DNAH14: variants seen among roughly 807,000 people sequenced by gnomAD.
The protein encoded by DNAH14 is axonemal beta dynein heavy chain 14.
Under a neutral mutation model 520.9 loss-of-function variants are expected in DNAH14, and 478 were observed. That is an observed-to-expected ratio of 0.92 (90% CI 0.85 to 0.99). The LOEUF is 0.99. Ranked by LOEUF, DNAH14 falls within the 50% of genes least tolerant of loss-of-function variation. DNAH14 has a pLI of 0.00. For synonymous variants in DNAH14, 1,581 were observed against 1,757.2 expected, an observed-to-expected ratio of 0.90 and a Z score of 2.51; for missense variants, 4,831 against 5,234.5, an observed-to-expected ratio of 0.92 and a Z score of 2.38.
chr1:225,107,210 A>T (rs971057026), intron 23 of DNAH14, among the ~76,000 whole-genome samples: 1 of 152,168 alleles, frequency 6.6e-6, no homozygotes. Flanking sequence ...TGAACAGCAA[A>T]TGTTGCTGCC....
intron 54 of DNAH14, among the ~76,000 whole-genome samples, chr1:225,287,092 C>T (rs944685283): frequency 3.3e-5 from 5 of 152,018 alleles, no homozygotes; most frequent in African/African-American, 2.4e-5. Flanking sequence ...AAGTGAAACA[C>T]AAGATATTTT....
At chr1:224,976,973 C>G (rs1322178778) in intron 8 of DNAH14, among the ~76,000 whole-genome samples, 1 of 151,244 alleles carries the variant, frequency 6.6e-6, no homozygotes, top group Non-Finnish European at 1.5e-5. Flanking sequence ...TTTGACCCAG[C>G]CATCCCATTA....
At chr1:225,238,493 G>A (rs2091752885) in intron 42 of DNAH14, among the ~76,000 whole-genome samples, 1 of 152,106 alleles carries the variant, frequency 6.6e-6, no homozygotes, top group Non-Finnish European at 1.5e-5. Context: ...CCTTCCTGTG[G>A]AAGCTCTGTC....
At chr1:225,088,797 C>G (rs959781763) in intron 21 of DNAH14, among the ~76,000 whole-genome samples, 5 of 152,018 alleles carry the variant, frequency 3.3e-5, no homozygotes, top group African/African-American at 1.2e-4. Flanking sequence ...AAAATGTAAA[C>G]TGGAATATTA....
chr1:224,972,856 G>A (rs1464780504), intron 7 of DNAH14, among the ~76,000 whole-genome samples: 1 of 152,188 alleles, frequency 6.6e-6, no homozygotes, highest in Non-Finnish European at 1.5e-5. Context: ...AAGATGAAGT[G>A]TTAACAACTT....
intron 36 of DNAH14, among the ~76,000 whole-genome samples, chr1:225,184,550 G>A (rs1250442450): frequency 6.6e-6 from 1 of 152,108 alleles, no homozygotes; most frequent in Non-Finnish European, 1.5e-5. Context: ...AACCTGGGAG[G>A]CAGAGGTTGC....
chr1:225,173,849 T>A (rs2082996857), intron 36 of DNAH14, among the ~76,000 whole-genome samples: 1 of 152,186 alleles, frequency 6.6e-6, no homozygotes, highest in South Asian at 2.1e-4. Flanking sequence ...AGCAAAGACT[T>A]GGAACCAATC....
intron 42 of DNAH14, among the ~76,000 whole-genome samples, chr1:225,235,981 A>G (rs1167278670): frequency 6.6e-6 from 1 of 152,102 alleles, no homozygotes; most frequent in Non-Finnish European, 1.5e-5. Flanking sequence ...TTTTCAAAAA[A>G]TCAGCTGCTG....
chr1:224,929,951 TC>T, intron 1 of DNAH14, 116 bp downstream of exon 1: 1 of 475,910 alleles, frequency 2.1e-6, no homozygotes, highest in South Asian at 2.6e-5. Flanking sequence ...GCCTGGGCGC[TC>T]CCCACCCAGC....
rs1275893261 is a variant in DNAH14 at position 225,377,403 on chromosome 1, A to C, written c.12683A>C (p.Gln4228Pro). The change falls in exon 79 of 86, where the codon CAA (glutamine) becomes CCA (proline). Residue 4228 changes from glutamine to proline, a missense_variant. Transcript: ENST00000682510. ...TTTATTGAAAATCTGATTGCCATGC[A>C]ACCAAAAACTACCACTGCCAACCTC... ...EKFIENLIAM[Q>P]PKTTTANLMI... The C allele has an allele frequency of 4.5e-6, 7 of 1,550,862 alleles. No homozygotes were observed.
intron 23 of DNAH14, among the ~76,000 whole-genome samples, chr1:225,111,146 G>A (rs2076445522): frequency 6.6e-6 from 1 of 152,038 alleles, no homozygotes; most frequent in Admixed American, 6.5e-5. Flanking sequence ...GGTCTATTGT[G>A]CAGATTAATT....
intron 71 of DNAH14, among the ~76,000 whole-genome samples, chr1:225,349,763 C>T (rs2095338524): frequency 6.6e-6 from 1 of 152,086 alleles, no homozygotes; most frequent in South Asian, 2.1e-4. Context: ...GTAATAAATG[C>T]TTATTCACTA....
chr1:225,363,500 G>GCTGGAA (rs2150569430), intron 75 of DNAH14, among the ~76,000 whole-genome samples: 1 of 152,274 alleles, frequency 6.6e-6, no homozygotes, highest in African/African-American at 2.4e-5. Context: ...CACCCAGGTA[G>GCTGGAA]CTGGAACTAT....
chr1:225,297,720 CA>C (rs369712934), intron 55 of DNAH14, among the ~76,000 whole-genome samples: 15 of 152,198 alleles, frequency 9.9e-5, no homozygotes, highest in African/African-American at 3.6e-4. Flanking sequence ...GTGGGCTCAC[CA>C]GGCTGTTTCT....
chr1:225,269,300 CT>C (rs924267501), intron 49 of DNAH14, among the ~76,000 whole-genome samples: 104 of 152,288 alleles, frequency 6.8e-4, no homozygotes, highest in Admixed American at 1.6e-3. Flanking sequence ...AACTGGATCC[CT>C]TCCTTACACC....
intron 66 of DNAH14, among the ~76,000 whole-genome samples, chr1:225,335,533 G>A (rs200160571): frequency 0.19 from 20,447 of 110,462 alleles, 4,753 homozygotes; most frequent in South Asian, 0.3. Flanking sequence ...ATATACATAT[G>A]TACATATATA....
chr1:225,258,907 T>C (rs763533813), intron 45 of DNAH14, among the ~76,000 whole-genome samples: 1 of 152,212 alleles, frequency 6.6e-6, no homozygotes, highest in Non-Finnish European at 1.5e-5. Flanking sequence ...TCTATTCTTT[T>C]GTAAGAGGTG....
At chr1:225,288,984 C>T (rs1372010664) in intron 54 of DNAH14, among the ~76,000 whole-genome samples, 1 of 152,064 alleles carries the variant, frequency 6.6e-6, no homozygotes, top group Admixed American at 6.6e-5. Context: ...GAAAATAAAA[C>T]AAGTATCCAC....
intron 80 of DNAH14, among the ~76,000 whole-genome samples, 160 bp downstream of exon 80, chr1:225,380,482 G>A (rs2095766015): frequency 2.0e-5 from 3 of 152,212 alleles, no homozygotes; most frequent in African/African-American, 7.2e-5. Flanking sequence ...CAAGTTGAAA[G>A]ACAGAGAGCA....
Sources: allele counts gnomAD v4.1 joint callset (sites outside exome capture counted in the v4.1 genomes callset), GRCh38; gene constraint gnomAD v4.1.1; transcripts MANE v1.5; gene names NCBI Gene and HGNC (gene_info 2026-07-23, HGNC 2026-07-21).